Variants in DNMT3A observed in about 807,000 individuals in gnomAD.
DNMT3A encodes DNA methyltransferase 3 alpha.
A neutral mutation model predicts 117.6 loss-of-function variants in DNMT3A; 267 were observed. That is an observed-to-expected ratio of 2.27 (90% CI 2.05 to 2.51). The LOEUF (loss-of-function observed/expected upper bound fraction) is 2.51, where lower values mean the gene tolerates loss of function less well. Among genes scored for constraint, DNMT3A ranks in the 30% most tolerant of loss-of-function variants. The pLI, the probability that DNMT3A is intolerant of heterozygous loss-of-function variation, is 0.00. For synonymous variants in DNMT3A, 432 were observed against 474.8 expected (o/e 0.91, Z 1.17); for missense variants, 1,029 against 1,260.2 (o/e 0.82, Z 2.78).
At chr2:25,287,662 G>T (rs1356022642) in intron 3 of DNMT3A, among the ~76,000 whole-genome samples, 1 of 151,920 alleles carries the variant, frequency 6.6e-6, no homozygotes, top group Non-Finnish European at 1.5e-5. Flanking sequence ...ACAAGGTTAG[G>T]GTGAGGTGCT....
Position 25,229,954 on chromosome 2 carries a change from G to T in DNMT3A, c.*4325C>A, listed in dbSNP as rs139598829. On this transcript the variant is annotated 3_prime_UTR_variant, in exon 23 of 23. Coordinates refer to ENST00000321117, the MANE Select transcript of DNMT3A (RefSeq NM_022552.5). ...TGGTGGCCAATTATCGGGAAGCAAG[G>T]GGAGCTGGGCCCTGTGAGACCCCTT... The T allele has an allele frequency of 6.6e-6, 1 of 152,220 alleles. No homozygotes were observed. 9.4% of individuals were successfully genotyped at this position (152,220 alleles called of 1,614,324 possible).
Position 25,296,502 on chromosome 2 carries a change from G to T in DNMT3A, c.177+3637C>A, listed in dbSNP as rs1269914339. On this transcript the variant is annotated intron_variant, in intron 3 of 22. Transcript: ENST00000321117. This position sits in a 1 kb window ranked among gnomAD's most constrained non-coding sequence, Gnocchi z 4.2. ...CTTGTCCCCTAAAAAATGGAGTCCC[G>T]GGGGGTTCCTGAAGAAGGACGTGCC... Among the ~76,000 whole-genome samples the T allele has an allele frequency of 1.3e-5, 2 of 152,178 alleles. No homozygotes were observed. Among genetic ancestry groups the T allele is most frequent in the Non-Finnish European group, 2.9e-5 (2 of 68,036 alleles).
intron 1 of DNMT3A, among the ~76,000 whole-genome samples, chr2:25,338,474 G>C (rs1354820475): frequency 1.3e-5 from 2 of 152,210 alleles, no homozygotes; most frequent in African/African-American, 4.8e-5. Context: ...ACCCTGAGGA[G>C]CTGGCCTGTA....
chr2:25,328,683 G>A (rs1311448598), intron 1 of DNMT3A: 1 of 522,470 alleles, frequency 1.9e-6, no homozygotes, highest in Admixed American at 2.0e-5. Context: ...AACATCCCCA[G>A]CACAGTGCTG....
Position 25,252,484 on chromosome 2 carries a change from G to C in DNMT3A, c.640-4232C>G, listed in dbSNP as rs1421441104. 1.3e-5 allele frequency among the ~76,000 whole-genome samples: 2 copies of C among 152,062 alleles called. No homozygotes were observed. The highest frequency in any genetic ancestry group is 4.8e-5 in the African/African-American group (2 of 41,442). ...TGGGCCAGCCCCTCTTCTCCGGTCCGAGGGGCGCGGGGCCGGGGGGCGAGG... is the reference window on the plus strand; with the variant it reads ...TGGGCCAGCCCCTCTTCTCCGGTCCCAGGGGCGCGGGGCCGGGGGGCGAGG... On this transcript the variant is annotated intron_variant, in intron 6 of 22. Coordinates refer to ENST00000321117, the MANE Select transcript of DNMT3A (RefSeq NM_022552.5). This position sits in a 1 kb window ranked among gnomAD's most constrained non-coding sequence, Gnocchi z 5.5.
chr2:25,317,644 C>T (rs777083626), intron 1 of DNMT3A, among the ~76,000 whole-genome samples: 2 of 152,222 alleles, frequency 1.3e-5, no homozygotes, highest in Non-Finnish European at 2.9e-5. Context: ...TCTGTAGTCA[C>T]TGGAGGGCAT....
rs565050303 is a variant in DNMT3A, at chr2:25,337,927, G to A, written c.-178+3899C>T. ...GCCTCAGGCCAGGTGGGCTTCTGAC[G>A]GGCTCTCTGCTCACATACTAATATT... On this transcript the variant is annotated intron_variant, in intron 1 of 22. Coordinates refer to ENST00000321117, the MANE Select transcript of DNMT3A (RefSeq NM_022552.5). The surrounding 1 kb of genome is among the most constrained non-coding windows in gnomAD (Gnocchi z 5.0). Among the ~76,000 whole-genome samples, 2 of 152,282 alleles carry A rather than the reference G, an allele frequency of 1.3e-5. No homozygotes were observed. Among genetic ancestry groups the A allele is most frequent in the Non-Finnish European group, 2.9e-5 (2 of 68,030 alleles).
In DNMT3A at chr2:25,305,179, G is replaced by A. The variant is rs915232915; in HGVS notation, c.73-4936C>T. On this transcript the variant is annotated intron_variant, in intron 2 of 22. Coordinates refer to ENST00000321117, the MANE Select transcript of DNMT3A (RefSeq NM_022552.5). This position sits in a 1 kb window ranked among gnomAD's most constrained non-coding sequence, Gnocchi z 4.1. ...TGTGTACGAGGTTCCAGTGCCTCTC[G>A]GATCTTTACGATTCCAGATTAGGAA... is the stretch of plus-strand genomic sequence containing the variant. Among the ~76,000 whole-genome samples, 2 of 152,188 alleles carry A rather than the reference G, an allele frequency of 1.3e-5. No individual in the cohort carries two copies. The highest frequency in any genetic ancestry group is 2.1e-4 in the South Asian group (1 of 4,826).
At chr2:25,291,632 C>T (rs1315521766) in intron 3 of DNMT3A, among the ~76,000 whole-genome samples, 4 of 152,254 alleles carry the variant, frequency 2.6e-5, no homozygotes, top group Admixed American at 2.6e-4. Flanking sequence ...TGGTCCCAGC[C>T]TGGGCACCCC....
At chr2:25,270,668 G>T (rs1314046228) in intron 6 of DNMT3A, among the ~76,000 whole-genome samples, 1 of 152,106 alleles carries the variant, frequency 6.6e-6, no homozygotes, top group Non-Finnish European at 1.5e-5. Flanking sequence ...ACTGGCAGAG[G>T]GTGGGGGGTG....
At position 25,282,695 on chromosome 2, in the gene DNMT3A, G is replaced by T. The variant is rs778149141; in HGVS notation, c.194C>A (p.Thr65Lys). ...GGAGATCACCGCAGGGTCCTTTGGCGTGTCACCGCTTTCCACCTGCAAATG... is the reference window on the plus strand; with the variant it reads ...GGAGATCACCGCAGGGTCCTTTGGCTTGTCACCGCTTTCCACCTGCAAATG... ...RKHPPVESGD[T>K]PKDPAVISKS... The change falls in exon 4 of 23, where the codon ACG (threonine) becomes AAG (lysine). Residue 65 changes from threonine (T) to lysine (K), a missense_variant. Physicochemically the swap from Thr to Lys is moderately conservative, Grantham distance 78. Coordinates refer to ENST00000321117, the MANE Select transcript of DNMT3A (RefSeq NM_022552.5). This position sits in a 1 kb window ranked among gnomAD's most constrained non-coding sequence, Gnocchi z 5.2. 33 of 1,533,466 alleles carry T rather than the reference G, an allele frequency of 2.2e-5. No homozygotes were observed. The highest frequency in any genetic ancestry group is 2.9e-5 in the Non-Finnish European group (33 of 1,139,506). The allele number at this position is 1,533,466 out of a possible 1,614,324, so 95.0% of individuals were successfully genotyped here. A position where few individuals can be genotyped will look rare whatever the true frequency, so the allele number is the denominator to read the frequency against.
At chr2:25,332,746 G>C (rs1573510433) in intron 1 of DNMT3A, among the ~76,000 whole-genome samples, 1 of 152,254 alleles carries the variant, frequency 6.6e-6, no homozygotes, top group East Asian at 1.9e-4. Context: ...TGAGCTTCCA[G>C]TACCAGGCAG....
intron 21 of DNMT3A, 63 bp from the exon 22 acceptor site, chr2:25,235,888 C>G (rs539931577): frequency 5.6e-6 from 8 of 1,433,710 alleles, no homozygotes; most frequent in Non-Finnish European, 7.9e-6. Context: ...ACTGGTCATG[C>G]GTCTACCAAA....
chr2:25,230,234 C>G lies in DNMT3A; in HGVS notation c.*4045G>C, dbSNP rs766956882. ...TGGACTGCAGACCCCTGCTAGTGCC[C>G]GCCTGCGGCCCCCCAGTCTGCCGGT... On this transcript the variant is annotated 3_prime_UTR_variant, in exon 23 of 23. Transcript: ENST00000321117. 6.6e-6 allele frequency: 1 copy of G among 152,446 alleles called. No individual in the cohort carries two copies. 9.4% of individuals were successfully genotyped at this position (152,446 alleles called of 1,614,324 possible). A position where few individuals can be genotyped will look rare whatever the true frequency, so the allele number is the denominator to read the frequency against.
chr2:25,239,103 C>A (rs770706826), intron 20 of DNMT3A, 27 bp downstream of exon 20: 5 of 1,609,660 alleles, frequency 3.1e-6, no homozygotes, highest in Admixed American at 1.7e-5. Context: ...AGCCCACAGC[C>A]CCCCAGGCCC....
intron 1 of DNMT3A, among the ~76,000 whole-genome samples, chr2:25,326,245 CTT>C (rs1377089624): frequency 6.6e-6 from 1 of 151,464 alleles, no homozygotes; most frequent in Non-Finnish European, 1.5e-5. Flanking sequence ...ATAATGTAGT[CTT>C]TAGGTAACAG....
chr2:25,273,700 A>G (rs1335248860), intron 6 of DNMT3A, among the ~76,000 whole-genome samples: 1 of 151,958 alleles, frequency 6.6e-6, no homozygotes, highest in Admixed American at 6.6e-5. Flanking sequence ...GAAGCCCTCC[A>G]CGGGCTGTTC....
intron 12 of DNMT3A, 91 bp downstream of exon 12, chr2:25,245,928 TG>T: frequency 6.6e-7 from 1 of 1,514,964 alleles, no homozygotes; most frequent in Non-Finnish European, 9.2e-7. Flanking sequence ...ACGTGGCCCC[TG>T]GTCCCATGTC....
intron 6 of DNMT3A, among the ~76,000 whole-genome samples, chr2:25,265,262 G>C (rs2149351109): frequency 6.6e-6 from 1 of 152,322 alleles, no homozygotes; most frequent in South Asian, 2.1e-4. Flanking sequence ...GCAGGCCGGG[G>C]GCGGGAAGAG....
Sources: allele counts gnomAD v4.1 joint callset (sites outside exome capture counted in the v4.1 genomes callset), GRCh38; gene constraint gnomAD v4.1.1; non-coding constraint Gnocchi (gnomAD v3.1); transcripts MANE v1.5; gene names NCBI Gene and HGNC (gene_info 2026-07-23, HGNC 2026-07-21).